The following SBF2 variants were observed in gnomAD, a reference collection of about 807,000 sequenced individuals.
SBF2 encodes myotubularin-related protein 13.
Under a neutral mutation model 225.2 loss-of-function variants are expected in SBF2, and 112 were observed. That is an observed-to-expected ratio of 0.50 (90% CI 0.43 to 0.58). The LOEUF (loss-of-function observed/expected upper bound fraction) is 0.58. Among genes scored for constraint, SBF2 ranks in the 20% least tolerant of loss-of-function variants. The probability of loss-of-function intolerance (pLI) is 0.00; values close to 1 mark genes in which losing one functional copy is unlikely to be tolerated. For synonymous variants in SBF2, 763 were observed against 773.3 expected (o/e 0.99, Z 0.22); for missense variants, 1,996 against 2,206.2 (o/e 0.90, Z 1.91).
At chr11:9,880,994 T>C (rs1202179681) in intron 17 of SBF2, among the ~76,000 whole-genome samples, 1 of 152,164 alleles carries the variant, frequency 6.6e-6, no homozygotes, top group African/African-American at 2.4e-5. Flanking sequence ...ATCCTTTTAC[T>C]GCCTACAGAA....
chr11:10,138,201 G>A (rs1452764628), intron 2 of SBF2, among the ~76,000 whole-genome samples: 2 of 151,990 alleles, frequency 1.3e-5, no homozygotes, highest in South Asian at 2.1e-4. Context: ...TTTATATTGG[G>A]TGAGTTGCAG....
At chr11:10,299,286 C>T (rs1430363119) in intron 1 of SBF2, among the ~76,000 whole-genome samples, 4 of 134,986 alleles carry the variant, frequency 3.0e-5, no homozygotes, top group African/African-American at 5.6e-5. Flanking sequence ...TGCAGTGGGT[C>T]GAGATGGCAC....
At chr11:9,891,855 C>T (rs1860847579) in intron 17 of SBF2, among the ~76,000 whole-genome samples, 1 of 152,140 alleles carries the variant, frequency 6.6e-6, no homozygotes. Flanking sequence ...AAGTGGGAAA[C>T]CTTGAACACT....
intron 14 of SBF2, among the ~76,000 whole-genome samples, chr11:9,964,155 C>T (rs575779941): frequency 3.2e-4 from 48 of 152,068 alleles, no homozygotes; most frequent in Non-Finnish European, 5.4e-4. Context: ...AGGCTGAGGT[C>T]GGAGGATCAC....
rs1851875627 is a variant in SBF2, at chr11:9,779,082, T to TAA, written c.*1335_*1336insTT. ...TTCTTATATATTAACACAGTTCTAT[T>TAA]TCCTAGTGTGTGGACAATTTTAAAT... is the stretch of plus-strand genomic sequence containing the variant. On this transcript the variant is annotated 3_prime_UTR_variant, in exon 40 of 40. Coordinates refer to ENST00000256190, the MANE Select transcript of SBF2 (RefSeq NM_030962.4). 6 of 152,682 alleles carry TAA rather than the reference T, an allele frequency of 3.9e-5. No homozygotes were observed. Among genetic ancestry groups the TAA allele is most frequent in the Admixed American group, 3.9e-4 (6 of 15,292 alleles). 9.5% of individuals were successfully genotyped at this position (152,682 alleles called of 1,614,324 possible).
chr11:9,856,820 C>A lies in SBF2; in HGVS notation c.2101-100G>T, dbSNP rs187652656. ...TTTTTTTTTTTGAGACGGAGTCTCG[C>A]TCTGTCACCCAGGCTGGAGTGCAGT... On this transcript the variant is annotated intron_variant, in intron 18 of 39. Transcript: ENST00000256190. The A allele has an allele frequency of 5.1e-4, 653 of 1,272,812 alleles. 2 individuals are homozygous for A. The African/African-American group carries it at 8.8e-3, about 17-fold the overall frequency. The allele number at this position is 1,272,812 out of a possible 1,614,324, so 78.8% of individuals were successfully genotyped here. A position where few individuals can be genotyped will look rare whatever the true frequency, so the allele number is the denominator to read the frequency against.
chr11:9,985,669 G>A (rs1308990216), intron 13 of SBF2, among the ~76,000 whole-genome samples: 3 of 152,100 alleles, frequency 2.0e-5, no homozygotes, highest in African/African-American at 7.2e-5. Context: ...AAGCAACAGT[G>A]GTTAAAAAAG....
In SBF2 at chr11:9,992,424, G is replaced by T; in HGVS notation, c.1287C>A (p.Leu429=). 1 of 1,612,170 alleles carries T rather than the reference G, an allele frequency of 6.2e-7. No individual in the cohort carries two copies. The highest frequency in any genetic ancestry group is 8.5e-7 in the Non-Finnish European group (1 of 1,178,760). ...TTAATAAGAGCTATACCTCATCAAAGAGATCACAAGATCTATAAGGAGGAC... is the reference window on the plus strand; with the variant it reads ...TTAATAAGAGCTATACCTCATCAAATAGATCACAAGATCTATAAGGAGGAC... The part of the protein sequence containing the change: ...ERGPPYRSCD[L]FDELVAFEVE... The change falls in exon 12 of 40, where the codon CTC becomes CTA. Residue 429 remains leucine (L), a synonymous_variant. Coordinates refer to ENST00000256190, the MANE Select transcript of SBF2 (RefSeq NM_030962.4).
intron 33 of SBF2, among the ~76,000 whole-genome samples, chr11:9,791,993 C>T (rs960028887): frequency 6.6e-6 from 1 of 152,206 alleles, no homozygotes; most frequent in Non-Finnish European, 1.5e-5. Flanking sequence ...ATATAAGGAA[C>T]ATCTTAAAAA....
upstream of SBF2, among the ~76,000 whole-genome samples, chr11:10,295,021 G>C (rs1414926940): frequency 1.3e-5 from 2 of 151,980 alleles, no homozygotes; most frequent in African/African-American, 4.8e-5. Context: ...TTGCTTTTTT[G>C]TTGAACCTCC....
chr11:10,007,258 C>CT lies in SBF2; in HGVS notation c.620-4570dup, dbSNP rs376993178. ...GGATAATAGGAAGAGAAGACGCTTT[C>CT]TTTTTTCTTTTTTTCTCATCTATTC... On this transcript the variant is annotated intron_variant, in intron 6 of 39. Coordinates refer to ENST00000256190, the MANE Select transcript of SBF2 (RefSeq NM_030962.4). Among the ~76,000 whole-genome samples, 763 of 152,250 alleles carry CT rather than the reference C, an allele frequency of 5.0e-3. 6 individuals are homozygous for CT. The highest frequency in any genetic ancestry group is 0.017 in the African/African-American group (726 of 41,540).
chr11:10,012,229 C>T (rs190726536), intron 6 of SBF2, among the ~76,000 whole-genome samples: 148 of 152,198 alleles, frequency 9.7e-4, no homozygotes, highest in African/African-American at 3.1e-3. Flanking sequence ...CACTGCAGCC[C>T]CAGCCTTCTG....
At chr11:10,051,645 A>T (rs1950068620) in intron 2 of SBF2, among the ~76,000 whole-genome samples, 1 of 152,138 alleles carries the variant, frequency 6.6e-6, no homozygotes, top group Non-Finnish European at 1.5e-5. Flanking sequence ...TTGTGCATTT[A>T]AAAATACCAT....
intron 28 of SBF2, among the ~76,000 whole-genome samples, chr11:9,823,928 T>C (rs1323567217): frequency 6.6e-6 from 1 of 152,082 alleles, no homozygotes; most frequent in Non-Finnish European, 1.5e-5. Flanking sequence ...AAGAATGAGA[T>C]TTGCGTTTCT....
intron 18 of SBF2, 121 bp downstream of exon 18, chr11:9,858,105 A>T: frequency 9.0e-7 from 1 of 1,116,424 alleles, no homozygotes; most frequent in South Asian, 1.2e-5. Context: ...AGGGCTCCCT[A>T]AATAAAACCC....
Position 9,858,353 on chromosome 11 carries a change from T to G in SBF2, c.1973A>C (p.Gln658Pro). Residue 658 changes from glutamine (Q) to proline (P), a missense_variant, in exon 18 of 40, where the codon CAA (glutamine) becomes CCA (proline). By Grantham distance (76) the Gln-to-Pro change is moderately conservative. Transcript: ENST00000256190. ...GVSQFAYTCV[Q>P]DHPIWTNQQF... is the part of the protein sequence containing the mutation. ...CTGATTTGTCCAAATGGGGTGGTCT[T>G]GTACACACGTGTAAGCAAACTGGCT... 1 of 1,614,216 alleles carries G rather than the reference T, an allele frequency of 6.2e-7. No individual in the cohort carries two copies. The highest frequency in any genetic ancestry group is 8.5e-7 in the Non-Finnish European group (1 of 1,180,018).
chr11:10,274,240 G>A (rs997501900), intron 1 of SBF2, among the ~76,000 whole-genome samples: 1 of 152,138 alleles, frequency 6.6e-6, no homozygotes, highest in Admixed American at 6.5e-5. Context: ...CGCTCCTTCC[G>A]CTGTCAACCT....
upstream of SBF2, among the ~76,000 whole-genome samples, chr11:10,294,548 T>C (rs1045843058): frequency 2.6e-5 from 4 of 152,366 alleles, no homozygotes; most frequent in Admixed American, 2.0e-4. Flanking sequence ...GAAAGCTGGC[T>C]GCTTCCTCTG....
intron 16 of SBF2, chr11:9,958,955 G>C (rs1464128283): frequency 1.4e-6 from 1 of 711,428 alleles, no homozygotes; most frequent in Middle Eastern, 3.8e-4. Context: ...ATGGGAATGT[G>C]GATGTGGTAC....
Sources: allele counts gnomAD v4.1 joint callset (sites outside exome capture counted in the v4.1 genomes callset), GRCh38; gene constraint gnomAD v4.1.1; transcripts MANE v1.5; gene names NCBI Gene and HGNC (gene_info 2026-07-23, HGNC 2026-07-21).